The following CMTM4 variants were observed in gnomAD, a reference collection of about 807,000 sequenced individuals.
CMTM4 encodes CKLF-like MARVEL transmembrane domain-containing protein 4.
In CMTM4, 8 loss-of-function variants were observed where a neutral mutation model predicts 19.0. The ratio of observed to expected loss-of-function variants is 0.42; its 90% CI spans 0.25 to 0.76. CMTM4 has a LOEUF of 0.76. Ranked by LOEUF, CMTM4 falls within the 30% of genes least tolerant of loss-of-function variation. The probability of loss-of-function intolerance (pLI) is 0.27; values close to 1 mark genes in which losing one functional copy is unlikely to be tolerated. For missense variants in CMTM4, 228 were observed against 290.2 expected (o/e 0.79, Z 1.56); for synonymous variants, 106 against 121.1 (o/e 0.88, Z 0.82).
intron 2 of CMTM4, among the ~76,000 whole-genome samples, chr16:66,635,670 G>A (rs355972): frequency 0.049 from 7,537 of 152,316 alleles, 299 homozygotes; most frequent in Admixed American, 0.11. Context: ...GCAGTGTGAG[G>A]CAGCCGACTG....
At chr16:66,685,555 CGAGA>C (rs927988488) in intron 1 of CMTM4, among the ~76,000 whole-genome samples, 2 of 152,222 alleles carry the variant, frequency 1.3e-5, no homozygotes, top group African/African-American at 4.8e-5. Context: ...TTCATTCTAC[CGAGA>C]GAGAAGCATC....
intron 2 of CMTM4, among the ~76,000 whole-genome samples, chr16:66,631,260 T>G (rs1241602717): frequency 4.3e-5 from 5 of 117,008 alleles, no homozygotes; most frequent in East Asian, 5.2e-4. Flanking sequence ...AGGAGGGAGG[T>G]GGGGGGTCAG....
intron 1 of CMTM4, among the ~76,000 whole-genome samples, chr16:66,695,935 C>T (rs1465471192): frequency 6.6e-6 from 1 of 152,226 alleles, no homozygotes; most frequent in African/African-American, 2.4e-5. Flanking sequence ...TCTCCGCAGG[C>T]AGAAACAGGC....
At chr16:66,632,926 T>C (rs548473618) in intron 2 of CMTM4, among the ~76,000 whole-genome samples, 225 of 150,768 alleles carry the variant, frequency 1.5e-3, no homozygotes, top group Middle Eastern at 0.014. Context: ...CTACTAAAAA[T>C]ACAAAAAAAT....
intron 2 of CMTM4, among the ~76,000 whole-genome samples, chr16:66,635,915 T>A (rs1453681341): frequency 6.6e-6 from 1 of 152,126 alleles, no homozygotes; most frequent in African/African-American, 2.4e-5. Context: ...AGGTTTCCAC[T>A]CAAGACTTTC....
In CMTM4 at chr16:66,683,192, T is replaced by C. The variant is rs199742118; in HGVS notation, c.186+13148A>G. Among the ~76,000 whole-genome samples, 241 of 48,546 alleles carry C rather than the reference T, an allele frequency of 5.0e-3. 2 individuals are homozygous for C. The highest frequency in any genetic ancestry group is 0.017 in the Middle Eastern group (1 of 60). 31.8% of individuals were successfully genotyped at this position (48,546 alleles called of 152,430 possible). ...ATATATATACATATGTATATATATA[T>C]ACATATATATATATATATAAATTTT... On this transcript the variant is annotated intron_variant, in intron 1 of 3. Transcript: ENST00000394106.
intron 2 of CMTM4, among the ~76,000 whole-genome samples, chr16:66,631,251 G>C (rs1459405621): frequency 6.6e-6 from 1 of 150,660 alleles, no homozygotes; most frequent in African/African-American, 2.4e-5. Flanking sequence ...GCCCCGTCCA[G>C]GAGGGAGGTG....
chr16:66,666,992 C>G (rs1156840744), intron 1 of CMTM4, among the ~76,000 whole-genome samples: 1 of 152,154 alleles, frequency 6.6e-6, no homozygotes, highest in Admixed American at 6.5e-5. Context: ...GTGCAATATA[C>G]CCACGTAACA....
intron 1 of CMTM4, among the ~76,000 whole-genome samples, chr16:66,636,785 A>G (rs1445075402): frequency 6.6e-6 from 1 of 152,164 alleles, no homozygotes; most frequent in Non-Finnish European, 1.5e-5. Flanking sequence ...GGAAGGATCA[A>G]ATTACTAATG....
intron 1 of CMTM4, among the ~76,000 whole-genome samples, chr16:66,684,229 G>C (rs1392634755): frequency 6.6e-6 from 1 of 152,124 alleles, no homozygotes; most frequent in Non-Finnish European, 1.5e-5. Context: ...CTGGAGAGCA[G>C]TGGCATGATC....
At chr16:66,645,445 G>A (rs2144828193) in intron 1 of CMTM4, among the ~76,000 whole-genome samples, 1 of 152,070 alleles carries the variant, frequency 6.6e-6, no homozygotes, top group East Asian at 1.9e-4. Context: ...AGGCATGGTG[G>A]CGGGCACATA....
At chr16:66,623,198 T>C (rs2015671543) in intron 3 of CMTM4, among the ~76,000 whole-genome samples, 1 of 152,196 alleles carries the variant, frequency 6.6e-6, no homozygotes, top group Non-Finnish European at 1.5e-5. Context: ...AGCCTAAGGA[T>C]GTCTAACAGA....
rs189330450 is a variant in CMTM4, at chr16:66,686,944, G to C, written c.186+9396C>G. Among the ~76,000 whole-genome samples, 4 of 152,218 alleles carry C rather than the reference G, an allele frequency of 2.6e-5. No homozygotes were observed. In the East Asian group the frequency reaches 7.7e-4, roughly 29 times the overall value. ...ACTTTGCCACAGGGGATCATATGTA[G>C]CCTTTGGAAAGGAAAAAATTTCCAA... On this transcript the variant is annotated intron_variant, in intron 1 of 3. Coordinates refer to ENST00000394106, the MANE Select transcript of CMTM4 (RefSeq NM_181521.3).
rs2015612269 is a variant in CMTM4, at chr16:66,620,569, T to G, written c.*1489A>C. Reference sequence around the variant, plus strand: ...ACATGTCCATAAGGTGACGCTTTCTTGCACAGACCCCCCGCCGCCCCCTCG... The same window carrying G: ...ACATGTCCATAAGGTGACGCTTTCTGGCACAGACCCCCCGCCGCCCCCTCG... On this transcript the variant is annotated 3_prime_UTR_variant, in exon 4 of 4. Coordinates refer to ENST00000394106, the MANE Select transcript of CMTM4 (RefSeq NM_181521.3). 1.0e-6 allele frequency: 1 copy of G among 985,426 alleles called. No homozygotes were observed. The highest frequency in any genetic ancestry group is 4.7e-5 in the South Asian group (1 of 21,294). 61.0% of individuals were successfully genotyped at this position (985,426 alleles called of 1,614,324 possible).
Position 66,621,459 on chromosome 16 carries a change from A to C in CMTM4, c.*599T>G. 1.0e-6 allele frequency: 1 copy of C among 986,022 alleles called. No homozygotes were observed. Among genetic ancestry groups the C allele is most frequent in the Non-Finnish European group, 1.2e-6 (1 of 830,026 alleles). The allele number at this position is 986,022 out of a possible 1,614,324, so 61.1% of individuals were successfully genotyped here. On this transcript the variant is annotated 3_prime_UTR_variant, in exon 4 of 4. Transcript: ENST00000394106. ...GAAGAATCAAGTGATTTCTCAGCAG[A>C]GTAGGAAACAAAAGGTCACCCTTCC...
rs1045561202 is a variant in CMTM4, at chr16:66,616,209, G to A, written c.*5849C>T. On this transcript the variant is annotated 3_prime_UTR_variant, in exon 4 of 4. Coordinates refer to ENST00000394106, the MANE Select transcript of CMTM4 (RefSeq NM_181521.3). ...TTTTCCAATTCCATGATTGACAAGA[G>A]TGCTTATGCGACGCATGGAAGGCAC... is the stretch of plus-strand genomic sequence containing the variant. 3 of 152,042 alleles carry A rather than the reference G, an allele frequency of 2.0e-5. No individual in the cohort carries two copies. The highest frequency in any genetic ancestry group is 4.4e-5 in the Non-Finnish European group (3 of 68,030). 9.4% of individuals were successfully genotyped at this position (152,042 alleles called of 1,614,324 possible).
intron 1 of CMTM4, among the ~76,000 whole-genome samples, chr16:66,675,894 C>T (rs773325902): frequency 2.0e-5 from 3 of 152,042 alleles, no homozygotes; most frequent in African/African-American, 4.8e-5. Flanking sequence ...TAGGACCTCA[C>T]TCTGTCACCC....
rs1336948647 is a variant in CMTM4, at chr16:66,619,054, AC to A, written c.*3003del. On this transcript the variant is annotated 3_prime_UTR_variant, in exon 4 of 4. Coordinates refer to ENST00000394106, the MANE Select transcript of CMTM4 (RefSeq NM_181521.3). ...CGGATGGCTGTTTACTTCAAATCAA[AC>A]TTCTCTGACGAGATTTTAATCTGAA... The A allele has an allele frequency of 1.0e-6, 1 of 985,294 alleles. No homozygotes were observed. The highest frequency in any genetic ancestry group is 1.2e-6 in the Non-Finnish European group (1 of 829,940). 61.0% of individuals were successfully genotyped at this position (985,294 alleles called of 1,614,324 possible). A position where few individuals can be genotyped will look rare whatever the true frequency, so the allele number is the denominator to read the frequency against.
chr16:66,631,217 G>T (rs1191426304), intron 2 of CMTM4, among the ~76,000 whole-genome samples: 2 of 150,012 alleles, frequency 1.3e-5, no homozygotes, highest in Admixed American at 1.3e-4. Flanking sequence ...GGAGGTGGGG[G>T]GTCAGCCCCC....
Sources: gnomAD v4.1 joint callset for allele counts (sites outside exome capture counted in the v4.1 genomes callset) on GRCh38, gnomAD v4.1.1 for gene constraint, MANE v1.5 for transcripts, NCBI Gene and HGNC (gene_info 2026-07-23, HGNC 2026-07-21) for gene names.